AEBP1: variants seen among roughly 807,000 people sequenced by gnomAD.
AEBP1 encodes the protein adipocyte enhancer-binding protein 1.
Under a neutral mutation model 116.5 loss-of-function variants are expected in AEBP1, and 69 were observed. The observed-to-expected ratio is 0.59, with a 90% confidence interval of 0.49 to 0.72. The LOEUF is 0.72. AEBP1 is among the 30% of genes least tolerant of loss of function. The probability of loss-of-function intolerance (pLI) is 0.00; values close to 1 mark genes in which losing one functional copy is unlikely to be tolerated. For missense variants in AEBP1, 1,444 were observed against 1,557.5 expected (o/e 0.93, Z 1.23); for synonymous variants, 627 against 627.3 (o/e 1.00, Z 0.01).
rs1265736696 is a variant in AEBP1, at chr7:44,113,647, G to A, written c.2863G>A (p.Ala955Thr). The A allele has an allele frequency of 6.2e-7, 1 of 1,613,706 alleles. No homozygotes were observed. Among genetic ancestry groups the A allele is most frequent in the East Asian group, 2.2e-5 (1 of 44,868 alleles). Residue 955 changes from alanine to threonine, a missense_variant, in exon 21 of 21, where the codon GCC (alanine) becomes ACC (threonine). Ala to Thr is a moderately conservative substitution (Grantham distance 58, BLOSUM62 0). Transcript: ENST00000223357. The surrounding 1 kb of genome is among the most constrained non-coding windows in gnomAD (Gnocchi z 5.3). Reference sequence around the variant, plus strand: ...GAACCCGGGTGAGTACCGCGTGACAGCCCACGCGGAGGGCTACACCCCGAG... The same window carrying A: ...GAACCCGGGTGAGTACCGCGTGACAACCCACGCGGAGGGCTACACCCCGAG... ...ILNPGEYRVT[A>T]HAEGYTPSAK...
Position 44,108,571 on chromosome 7 carries a change from T to C in AEBP1, c.941-328T>C, listed in dbSNP as rs2096225480. ...CAGGTCCCCATCAGTGCCTCCAATG[T>C]CTCCCCATCTCACCCCCCAGCCCGC... On this transcript the variant is annotated intron_variant, in intron 6 of 20. Coordinates refer to ENST00000223357, the MANE Select transcript of AEBP1 (RefSeq NM_001129.5). This position sits in a 1 kb window ranked among gnomAD's most constrained non-coding sequence, Gnocchi z 5.0. Among the ~76,000 whole-genome samples the C allele has an allele frequency of 6.6e-6, 1 of 151,734 alleles. No individual in the cohort carries two copies. The highest frequency in any genetic ancestry group is 6.6e-5 in the Admixed American group (1 of 15,232).
Position 44,110,027 on chromosome 7 carries a change from T to C in AEBP1, c.1163T>C (p.Ile388Thr). The C allele has an allele frequency of 3.7e-6, 6 of 1,612,782 alleles. No individual in the cohort carries two copies. In the South Asian group the frequency reaches 4.4e-5, roughly 12 times the overall value. The change falls in exon 10 of 21, where the codon ATT becomes ACT. Residue 388 changes from isoleucine to threonine, a missense_variant. Ile to Thr is a moderately conservative substitution (Grantham distance 89). Transcript: ENST00000223357. The part of the protein sequence containing the change: ...TPTEKVKCPP[I>T]GMESHRIEDN... ...TACGCGTCCTCAGAGTGTCCCCCCA[T>C]TGGGATGGAGTCACACCGTATTGAG...
chr7:44,104,822 G>A lies in AEBP1; in HGVS notation c.157G>A (p.Asp53Asn), dbSNP rs994227969. The change falls in exon 1 of 21, where the codon GAC becomes AAC. Residue 53 changes from aspartate to asparagine, a missense_variant. Physicochemically the swap from Asp to Asn is conservative, Grantham distance 23. Coordinates refer to ENST00000223357, the MANE Select transcript of AEBP1 (RefSeq NM_001129.5). ...SELEPEPRED[D>N]VEAPPPPEPT... ...GCTAGAACCTGAGCCCCGGGAGGAC[G>A]ACGTGGAGGCCCCGCCGCCTCCCGA... 1 of 1,601,980 alleles carries A rather than the reference G, an allele frequency of 6.2e-7. No homozygotes were observed. The highest frequency in any genetic ancestry group is 1.1e-5 in the South Asian group (1 of 89,364).
chr7:44,109,450 C>G, intron 9 of AEBP1, 109 bp downstream of exon 9: 1 of 1,270,422 alleles, frequency 7.9e-7, no homozygotes, highest in Non-Finnish European at 1.1e-6. Flanking sequence ...GAACCCTTTC[C>G]TACTCAGATT....
rs2096225543 is a variant in AEBP1, at chr7:44,108,623, C to A, written c.941-276C>A. On this transcript the variant is annotated intron_variant, in intron 6 of 20. Coordinates refer to ENST00000223357, the MANE Select transcript of AEBP1 (RefSeq NM_001129.5). The surrounding 1 kb of genome is among the most constrained non-coding windows in gnomAD (Gnocchi z 5.0). ...ACCCCAGGCACAGGTGCCAGTTGTC[C>A]CTCCAGGCCTTTCCCATGCCCTGGG... Among the ~76,000 whole-genome samples, 1 of 152,176 alleles carries A rather than the reference C, an allele frequency of 6.6e-6. No homozygotes were observed. Among genetic ancestry groups the A allele is most frequent in the African/African-American group, 2.4e-5 (1 of 41,430 alleles).
In AEBP1 at chr7:44,107,732, C is replaced by G; in HGVS notation, c.739+32C>G. On this transcript the variant is annotated intron_variant, in intron 4 of 20. Transcript: ENST00000223357. This position sits in a 1 kb window ranked among gnomAD's most constrained non-coding sequence, Gnocchi z 4.3. The stretch of plus-strand genomic sequence containing the variant: ...AGGGTCCTGCCAGCCCCACCTGGGT[C>G]GGACCCCTGGCCTGGGGGATGTGCC... 1 of 1,613,220 alleles carries G rather than the reference C, an allele frequency of 6.2e-7. No individual in the cohort carries two copies. Among genetic ancestry groups the G allele is most frequent in the Non-Finnish European group, 8.5e-7 (1 of 1,179,884 alleles).
At position 44,114,303 on chromosome 7, in the gene AEBP1, G is replaced by T. The variant is rs2096234356; in HGVS notation, c.*42G>T. 1 of 1,603,512 alleles carries T rather than the reference G, an allele frequency of 6.2e-7. No individual in the cohort carries two copies. Among genetic ancestry groups the T allele is most frequent in the Non-Finnish European group, 8.5e-7 (1 of 1,172,178 alleles). On this transcript the variant is annotated 3_prime_UTR_variant, in exon 21 of 21. Coordinates refer to ENST00000223357, the MANE Select transcript of AEBP1 (RefSeq NM_001129.5). ...AGACCCCAGCCCAACTCAAGCTACAGCAGCAGCACTTCCCAAGCCTGCTGA... is the reference window on the plus strand; with the variant it reads ...AGACCCCAGCCCAACTCAAGCTACATCAGCAGCACTTCCCAAGCCTGCTGA...
rs908286931 is a variant in AEBP1, at chr7:44,113,696, A to C, written c.2912A>C (p.Tyr971Ser). The part of the protein sequence containing the change: ...TPSAKTCNVD[Y>S]DIGATQCNFI... ...AGCGCCAAGACCTGCAATGTTGACTATGACATCGGGGCCACTCAGTGCAAC... is the reference window on the plus strand; with the variant it reads ...AGCGCCAAGACCTGCAATGTTGACTCTGACATCGGGGCCACTCAGTGCAAC... Residue 971 changes from tyrosine to serine, a missense_variant, in exon 21 of 21, where the codon TAT (tyrosine) becomes TCT (serine). By Grantham distance (144) the Tyr-to-Ser change is moderately radical. Coordinates refer to ENST00000223357, the MANE Select transcript of AEBP1 (RefSeq NM_001129.5). The surrounding 1 kb of genome is among the most constrained non-coding windows in gnomAD (Gnocchi z 5.3). 6.2e-7 allele frequency: 1 copy of C among 1,613,974 alleles called. No individual in the cohort carries two copies. The highest frequency in any genetic ancestry group is 2.2e-5 in the East Asian group (1 of 44,882).
rs370758086 is a variant in AEBP1 at position 44,108,594 on chromosome 7, C to T, written c.941-305C>T. ...TGTCTCCCCATCTCACCCCCCAGCC[C>T]GCAACCCCAGGCACAGGTGCCAGTT... On this transcript the variant is annotated intron_variant, in intron 6 of 20. Coordinates refer to ENST00000223357, the MANE Select transcript of AEBP1 (RefSeq NM_001129.5). This position sits in a 1 kb window ranked among gnomAD's most constrained non-coding sequence, Gnocchi z 5.0. Among the ~76,000 whole-genome samples, 5 of 152,178 alleles carry T rather than the reference C, an allele frequency of 3.3e-5. No homozygotes were observed. The highest frequency in any genetic ancestry group is 4.1e-4 in the South Asian group (2 of 4,824).
chr7:44,113,851 C>G lies in AEBP1; in HGVS notation c.3067C>G (p.Leu1023Val). The G allele has an allele frequency of 6.2e-7, 1 of 1,613,892 alleles. No individual in the cohort carries two copies. The highest frequency in any genetic ancestry group is 1.7e-5 in the Admixed American group (1 of 60,020). The change falls in exon 21 of 21, where the codon CTA becomes GTA. Residue 1023 changes from leucine to valine, a missense_variant. Leu to Val is a conservative substitution (Grantham distance 32). Coordinates refer to ENST00000223357, the MANE Select transcript of AEBP1 (RefSeq NM_001129.5). This position sits in a 1 kb window ranked among gnomAD's most constrained non-coding sequence, Gnocchi z 5.3. ...ACAGCGACGCCTGCAGCAGCGACGC[C>G]TACAACACCGCCTGCGGCTTCGGGC... ...PQQRRLQQRR[L>V]QHRLRLRAQM...
chr7:44,110,905 C>G lies in AEBP1; in HGVS notation c.1486-8C>G, dbSNP rs138524537. ...GGCAGTACTGCTCTGAGGCCTGCCT[C>G]TCCCCAGACCTTTCATGGGAACGTG... On this transcript the variant is annotated splice_region_variant and splice_polypyrimidine_tract_variant and intron_variant, in intron 12 of 20. Transcript: ENST00000223357. 1,434 of 1,613,858 alleles carry G rather than the reference C, an allele frequency of 8.9e-4. 17 individuals are homozygous for G. In the African/African-American group the frequency reaches 0.016, roughly 18 times the overall value.
In AEBP1 at chr7:44,113,975, C is replaced by T. The variant is rs777617825; in HGVS notation, c.3191C>T (p.Thr1064Ile). The T allele has an allele frequency of 3.7e-6, 6 of 1,613,642 alleles. 1 individual carries two copies. In the South Asian group the frequency reaches 4.4e-5, roughly 12 times the overall value. The change falls in exon 21 of 21, where the codon ACC becomes ATC. Residue 1064 changes from threonine (T) to isoleucine (I), a missense_variant. Transcript: ENST00000223357. The surrounding 1 kb of genome is among the most constrained non-coding windows in gnomAD (Gnocchi z 5.3). The stretch of plus-strand genomic sequence containing the variant: ...GCCCCTGCCACCACCCTGAGCACTA[C>T]CATAGAGCCCTGGGGCCTCATACCG... Reference protein sequence around the residue: ...PPAPATTLSTTIEPWGLIPPT... With the variant: ...PPAPATTLSTIIEPWGLIPPT...
chr7:44,109,708 G>A, intron 9 of AEBP1: 1 of 566,420 alleles, frequency 1.8e-6, no homozygotes, highest in South Asian at 2.1e-5. Flanking sequence ...CTGCGCCCTG[G>A]GGGAGCTCTA....
Position 44,106,808 on chromosome 7 carries a change from T to C in AEBP1, c.516T>C (p.Ile172=), listed in dbSNP as rs532745534. The C allele has an allele frequency of 1.9e-6, 3 of 1,607,860 alleles. No homozygotes were observed. The highest frequency in any genetic ancestry group is 3.4e-5 in the Admixed American group (2 of 59,406). ...CCCCGTCAGGGAAGAGGCCCCCCAT[T>C]CTGGCTCCCTCAGAAACCCTGGAGT... ...KKPPSGKRPP[I]LAPSETLEWP... Residue 172 remains isoleucine (I), a synonymous_variant, in exon 2 of 21, where the codon ATT becomes ATC. Coordinates refer to ENST00000223357, the MANE Select transcript of AEBP1 (RefSeq NM_001129.5).
Position 44,107,709 on chromosome 7 carries a change from G to T in AEBP1, c.739+9G>T. 1 of 1,613,412 alleles carries T rather than the reference G, an allele frequency of 6.2e-7. No homozygotes were observed. The highest frequency in any genetic ancestry group is 8.5e-7 in the Non-Finnish European group (1 of 1,179,942). On this transcript the variant is annotated intron_variant, in intron 4 of 20. Coordinates refer to ENST00000223357, the MANE Select transcript of AEBP1 (RefSeq NM_001129.5). This position sits in a 1 kb window ranked among gnomAD's most constrained non-coding sequence, Gnocchi z 4.3. ...GGAGGACTATGAGGACTGTGAGTAG[G>T]GTCCTGCCAGCCCCACCTGGGTCGG...
Position 44,110,089 on chromosome 7 carries a change from G to A in AEBP1, c.1225G>A (p.Gly409Ser), listed in dbSNP as rs749154733. 91 of 1,612,984 alleles carry A rather than the reference G, an allele frequency of 5.6e-5. 1 individual carries two copies. The highest frequency in any genetic ancestry group is 7.0e-5 in the Non-Finnish European group (83 of 1,180,004). ...QIRASSMLRH[G>S]LGAQRGRLNM... ...CCGAGCCTCCTCCATGCTGCGCCACGGCCTGGGGGCACAGCGCGGCCGGCT... is the reference window on the plus strand; with the variant it reads ...CCGAGCCTCCTCCATGCTGCGCCACAGCCTGGGGGCACAGCGCGGCCGGCT... The change falls in exon 10 of 21, where the codon GGC becomes AGC. Residue 409 changes from glycine (G) to serine (S), a missense_variant. Transcript: ENST00000223357.
chr7:44,114,174 G>A lies in AEBP1; in HGVS notation c.3390G>A (p.Glu1130=), dbSNP rs142895757. ...QLEPEFEEEE[E]EEKEEEIATG... is the part of the protein sequence containing the mutation. The stretch of plus-strand genomic sequence containing the variant: ...AACCCGAGTTTGAGGAAGAGGAGGA[G>A]GAGGAGAAAGAGGAGGAGATAGCCA... The change falls in exon 21 of 21, where the codon GAG becomes GAA. Residue 1130 remains glutamate, a synonymous_variant. Transcript: ENST00000223357. 6.2e-6 allele frequency: 10 copies of A among 1,613,356 alleles called. No individual in the cohort carries two copies. Among genetic ancestry groups the A allele is most frequent in the Non-Finnish European group, 8.5e-6 (10 of 1,179,706 alleles).
chr7:44,107,937 A>AT lies in AEBP1; in HGVS notation c.862+7dup. 1 of 1,576,602 alleles carries AT rather than the reference A, an allele frequency of 6.3e-7. No individual in the cohort carries two copies. The highest frequency in any genetic ancestry group is 1.1e-5 in the South Asian group (1 of 87,234). On this transcript the variant is annotated splice_region_variant and intron_variant, in intron 5 of 20. Transcript: ENST00000223357. This position sits in a 1 kb window ranked among gnomAD's most constrained non-coding sequence, Gnocchi z 4.3. ...AGCCCCGGAGGAGAGGATTGGTAGGATGGGGGGCAGGAGAGGAGGTGCCAT... is the reference window on the plus strand; with the variant it reads ...AGCCCCGGAGGAGAGGATTGGTAGGATTGGGGGGCAGGAGAGGAGGTGCCAT...
In AEBP1 at chr7:44,112,664, T is replaced by A. The variant is rs922023775; in HGVS notation, c.2324T>A (p.Met775Lys). 6.2e-7 allele frequency: 1 copy of A among 1,613,030 alleles called. No individual in the cohort carries two copies. Among genetic ancestry groups the A allele is most frequent in the Non-Finnish European group, 8.5e-7 (1 of 1,179,956 alleles). The change falls in exon 18 of 21, where the codon ATG becomes AAG. Residue 775 changes from methionine (M) to lysine (K), a missense_variant. Transcript: ENST00000223357. The surrounding 1 kb of genome is among the most constrained non-coding windows in gnomAD (Gnocchi z 6.6). ...CGGCTAGTATCCTACCCCTACGATA[T>A]GGCCCGCACGCCTACCCAGGAGCAG... is the stretch of plus-strand genomic sequence containing the variant. ...GERLVSYPYDMARTPTQEQLL... is the reference protein window; with the variant it reads ...GERLVSYPYDKARTPTQEQLL...
Sources: allele counts gnomAD v4.1 joint callset (sites outside exome capture counted in the v4.1 genomes callset), GRCh38; gene constraint gnomAD v4.1.1; non-coding constraint Gnocchi (gnomAD v3.1); transcripts MANE v1.5; gene names NCBI Gene and HGNC (gene_info 2026-07-23, HGNC 2026-07-21).